Variants in GALNTL6 observed in about 807,000 individuals in gnomAD.
GALNTL6 encodes polypeptide N-acetylgalactosaminyltransferase-like 6.
Under a neutral mutation model 73.7 loss-of-function variants are expected in GALNTL6, and 46 were observed. The observed-to-expected ratio is 0.62, with a 90% confidence interval of 0.49 to 0.80. GALNTL6 has a LOEUF of 0.80. GALNTL6 is among the 30% of genes least tolerant of loss of function. GALNTL6 has a pLI of 0.00. For synonymous variants in GALNTL6, 259 were observed against 263.7 expected, an observed-to-expected ratio of 0.98 and a Z score of 0.17; for missense variants, 604 against 755.0, an observed-to-expected ratio of 0.80 and a Z score of 2.34.
chr4:172,149,298 C>A (rs1397376498), intron 2 of GALNTL6, among the ~76,000 whole-genome samples: 3 of 152,114 alleles, frequency 2.0e-5, no homozygotes, highest in Non-Finnish European at 4.4e-5. Flanking sequence ...ACACACTGGA[C>A]TCCTCAGTCT....
intron 2 of GALNTL6, among the ~76,000 whole-genome samples, chr4:171,843,858 G>T (rs1297395826): frequency 6.6e-6 from 1 of 152,100 alleles, no homozygotes; most frequent in African/African-American, 2.4e-5. Flanking sequence ...TGTAATTAGT[G>T]CTGATTTTCT....
intron 2 of GALNTL6, among the ~76,000 whole-genome samples, chr4:172,045,251 G>A (rs1010171661): frequency 1.3e-5 from 2 of 151,946 alleles, no homozygotes; most frequent in Non-Finnish European, 2.9e-5. Context: ...CTTATATAAG[G>A]CCAGCTTTGG....
chr4:172,257,502 T>C (rs1291011611), intron 3 of GALNTL6, among the ~76,000 whole-genome samples: 1 of 151,360 alleles, frequency 6.6e-6, no homozygotes, highest in Admixed American at 6.6e-5. Context: ...TTATTAAGAA[T>C]ATTATTCTTT....
intron 2 of GALNTL6, among the ~76,000 whole-genome samples, chr4:172,133,487 C>G (rs1313684514): frequency 6.6e-6 from 1 of 152,178 alleles, no homozygotes; most frequent in African/African-American, 2.4e-5. Flanking sequence ...AGCTGGCTCT[C>G]AAATATTCTA....
chr4:172,488,822 C>T (rs1043763647), intron 5 of GALNTL6, among the ~76,000 whole-genome samples: 6 of 133,816 alleles, frequency 4.5e-5, no homozygotes, highest in African/African-American at 5.8e-5. Flanking sequence ...CAGAGAACTG[C>T]GAAGGCAGTC....
intron 3 of GALNTL6, among the ~76,000 whole-genome samples, chr4:172,285,474 C>T (rs1167676391): frequency 6.6e-6 from 1 of 152,120 alleles, no homozygotes; most frequent in East Asian, 1.9e-4. Context: ...TCTAATGTCT[C>T]ATGAAAAGTA....
intron 5 of GALNTL6, among the ~76,000 whole-genome samples, chr4:172,349,830 A>AT (rs112952872): frequency 0.24 from 23,438 of 99,416 alleles, 2,268 homozygotes; most frequent in East Asian, 0.44. Flanking sequence ...ATTAAAAAAA[A>AT]ATATATATAT....
chr4:171,826,849 T>C (rs1248686145), intron 2 of GALNTL6, among the ~76,000 whole-genome samples: 1 of 152,006 alleles, frequency 6.6e-6, no homozygotes, highest in East Asian at 1.9e-4. Context: ...GGCTTCTCGG[T>C]GCACACCCCT....
At chr4:172,980,923 A>G (rs1226138887) in intron 10 of GALNTL6, among the ~76,000 whole-genome samples, 1 of 152,196 alleles carries the variant, frequency 6.6e-6, no homozygotes, top group African/African-American at 2.4e-5. Context: ...TGTTTCAGGT[A>G]CCTCACATAA....
At chr4:171,968,841 T>TG (rs369487071) in intron 2 of GALNTL6, among the ~76,000 whole-genome samples, 273 of 94,214 alleles carry the variant, frequency 2.9e-3, no homozygotes, top group Middle Eastern at 4.9e-3. Context: ...TTGTGCGGGG[T>TG]GGGGGGGGGG....
intron 5 of GALNTL6, among the ~76,000 whole-genome samples, chr4:172,492,917 T>C (rs1305359188): frequency 6.6e-6 from 1 of 152,156 alleles, no homozygotes; most frequent in Non-Finnish European, 1.5e-5. Context: ...TTAACAACTG[T>C]GTGTCTGCAT....
chr4:172,611,711 T>C (rs114936551), intron 5 of GALNTL6, among the ~76,000 whole-genome samples: 2,385 of 152,156 alleles, frequency 0.016, 52 homozygotes, highest in African/African-American at 0.053. Context: ...ATTTGAATAT[T>C]AGCCTCTCTA....
At chr4:172,683,094 T>C (rs1244220516) in intron 5 of GALNTL6, among the ~76,000 whole-genome samples, 2 of 152,180 alleles carry the variant, frequency 1.3e-5, no homozygotes, top group African/African-American at 2.4e-5. Context: ...CATCAGTTCA[T>C]TTTCTGTAAG....
intron 5 of GALNTL6, among the ~76,000 whole-genome samples, chr4:172,353,782 A>C (rs1742051115): frequency 6.6e-6 from 1 of 152,040 alleles, no homozygotes; most frequent in South Asian, 2.1e-4. Flanking sequence ...ATAGCAAAGC[A>C]ATTCCTATAA....
intron 2 of GALNTL6, among the ~76,000 whole-genome samples, chr4:171,968,608 C>T (rs865978672): frequency 1.2e-4 from 18 of 152,198 alleles, no homozygotes; most frequent in Middle Eastern, 3.4e-3. Context: ...TGTTCCAGGA[C>T]GACATGAATT....
At chr4:172,688,755 A>G (rs115788723) in intron 5 of GALNTL6, among the ~76,000 whole-genome samples, 198 of 152,316 alleles carry the variant, frequency 1.3e-3, no homozygotes, top group African/African-American at 4.5e-3. Context: ...TTGGTATACC[A>G]TACTTGGATC....
intron 2 of GALNTL6, among the ~76,000 whole-genome samples, chr4:171,995,005 A>T (rs1206048325): frequency 9.9e-5 from 15 of 151,882 alleles, no homozygotes. Context: ...ATAAAAATAA[A>T]CTCTCTAGAA....
intron 2 of GALNTL6, among the ~76,000 whole-genome samples, chr4:172,149,861 AAC>A (rs1334803159): frequency 1.3e-5 from 2 of 152,216 alleles, no homozygotes; most frequent in African/African-American, 4.8e-5. Context: ...TGAGATTTAA[AAC>A]ACACACAATT....
At chr4:172,628,715 A>G (rs1739267547) in intron 5 of GALNTL6, among the ~76,000 whole-genome samples, 1 of 152,100 alleles carries the variant, frequency 6.6e-6, no homozygotes, top group Admixed American at 6.6e-5. Flanking sequence ...CACAATTGAT[A>G]TTGTTCTTTG....
Sources: allele counts gnomAD v4.1 joint callset (sites outside exome capture counted in the v4.1 genomes callset), GRCh38; gene constraint gnomAD v4.1.1; transcripts MANE v1.5; gene names NCBI Gene and HGNC (gene_info 2026-07-23, HGNC 2026-07-21).